Variants in IL1RAPL1 observed in about 807,000 individuals in gnomAD.
IL1RAPL1 encodes the protein interleukin 1 receptor accessory protein like 1.
Under a neutral mutation model 48.4 loss-of-function variants are expected in IL1RAPL1, and 3 were observed. The ratio of observed to expected loss-of-function variants is 0.06; its 90% CI spans 0.03 to 0.16. IL1RAPL1 has a LOEUF of 0.16. Among genes scored for constraint, IL1RAPL1 ranks in the 10% least tolerant of loss-of-function variants. The pLI is 1.00. For synonymous variants in IL1RAPL1, 185 were observed against 187.7 expected (o/e 0.99, Z 0.12); for missense variants, 349 against 530.6 (o/e 0.66, Z 3.36).
At chrX:29,204,653 G>A (rs1221888594) in intron 2 of IL1RAPL1, among the ~76,000 whole-genome samples, 2 of 112,141 alleles carry the variant, frequency 1.8e-5, no homozygotes, top group African/African-American at 6.5e-5. Flanking sequence ...AATAGTTGTA[G>A]TAATTATATT....
At chrX:29,431,331 T>C (rs963719673) in intron 5 of IL1RAPL1, among the ~76,000 whole-genome samples, 7 of 112,001 alleles carry the variant, frequency 6.2e-5, no homozygotes, top group Non-Finnish European at 1.1e-4. Flanking sequence ...AAAAAGCACA[T>C]AGAATATTGC....
chrX:28,819,450 G>A (rs769809223), intron 2 of IL1RAPL1, among the ~76,000 whole-genome samples: 26 of 110,640 alleles, frequency 2.3e-4, no homozygotes, highest in Non-Finnish European at 4.8e-4. Flanking sequence ...AGAATATGTC[G>A]TAATATTAGC....
chrX:29,376,199 G>A (rs1347185207), intron 3 of IL1RAPL1, among the ~76,000 whole-genome samples: 1 of 111,360 alleles, frequency 9.0e-6, no homozygotes, highest in African/African-American at 3.3e-5. Context: ...TGATGAAGGT[G>A]TTTATCACTA....
At chrX:29,220,352 A>T (rs1284548325) in intron 2 of IL1RAPL1, among the ~76,000 whole-genome samples, 2 of 112,800 alleles carry the variant, frequency 1.8e-5, no homozygotes. Flanking sequence ...AGCTTGAAAA[A>T]TTACATGAAA....
rs978713443 is a variant in IL1RAPL1, at chrX:29,480,209, T to A, written c.703+80901T>A. Among the ~76,000 whole-genome samples the A allele has an allele frequency of 2.8e-5, 3 of 106,803 alleles. No homozygotes were observed. The South Asian group carries it at 1.3e-3, about 45-fold the overall frequency. The allele number at this position is 106,803 out of a possible 115,157, so 92.7% of individuals were successfully genotyped here. A position where few individuals can be genotyped will look rare whatever the true frequency, so the allele number is the denominator to read the frequency against. On this transcript the variant is annotated intron_variant, in intron 5 of 10. Coordinates refer to ENST00000378993, the MANE Select transcript of IL1RAPL1 (RefSeq NM_014271.4). ...GACCATAAAACTCCATTTAGTACTGTCAATATCAATATTTACTTTTGGGGG... is the reference window on the plus strand; with the variant it reads ...GACCATAAAACTCCATTTAGTACTGACAATATCAATATTTACTTTTGGGGG...
intron 6 of IL1RAPL1, among the ~76,000 whole-genome samples, chrX:29,894,639 C>A (rs1180829029): frequency 9.0e-6 from 1 of 111,602 alleles, no homozygotes; most frequent in South Asian, 3.7e-4. Context: ...ATCCCCAGCA[C>A]CTTTTTACGA....
chrX:29,090,799 T>C (rs1928072134), intron 2 of IL1RAPL1, among the ~76,000 whole-genome samples: 1 of 112,404 alleles, frequency 8.9e-6, no homozygotes, highest in African/African-American at 3.2e-5. Flanking sequence ...GATTTGATTC[T>C]GTGACTTTTA....
At chrX:29,366,333 C>G (rs1283658081) in intron 3 of IL1RAPL1, among the ~76,000 whole-genome samples, 3 of 110,148 alleles carry the variant, frequency 2.7e-5, no homozygotes, top group Admixed American at 9.9e-5. Flanking sequence ...TTTTTAAAAA[C>G]TACTTGGTAA....
chrX:29,846,767 T>C (rs187466320), intron 6 of IL1RAPL1, among the ~76,000 whole-genome samples: 78 of 90,096 alleles, frequency 8.7e-4, no homozygotes, highest in Non-Finnish European at 1.2e-3. Context: ...TATATATATA[T>C]ACATATATAT....
rs201309320 is a variant in IL1RAPL1, at chrX:28,704,796, TCACACA to T, written c.-24-84493_-24-84488del. On this transcript the variant is annotated intron_variant, in intron 1 of 10. Transcript: ENST00000378993. ...CAGCGGCAAGTTGGCAGGTTTGAGTTCACACACACACACACACACACACACACACAC... is the reference window on the plus strand; with the variant it reads ...CAGCGGCAAGTTGGCAGGTTTGAGTTCACACACACACACACACACACACAC... 1.0e-3 allele frequency among the ~76,000 whole-genome samples: 53 copies of T among 50,556 alleles called. 1 individual carries two copies. Among genetic ancestry groups the T allele is most frequent in the African/African-American group, 2.0e-3 (20 of 9,924 alleles). The allele number at this position is 50,556 out of a possible 115,157, so 43.9% of individuals were successfully genotyped here.
In IL1RAPL1 at chrX:29,888,975, A is replaced by G. The variant is rs749567290; in HGVS notation, c.779-28489A>G. 8.0e-5 allele frequency among the ~76,000 whole-genome samples: 9 copies of G among 112,113 alleles called. No homozygotes were observed. In the South Asian group the frequency reaches 1.1e-3, roughly 14 times the overall value. The stretch of plus-strand genomic sequence containing the variant: ...TTTTTAATCAAATTTTCTCTTATCT[A>G]TAATTAACCCTTCAAAACTAAACTT... On this transcript the variant is annotated intron_variant, in intron 6 of 10. Coordinates refer to ENST00000378993, the MANE Select transcript of IL1RAPL1 (RefSeq NM_014271.4).
rs751751596 is a variant in IL1RAPL1 at position 29,284,721 on chromosome X, G to A, written c.362+1504G>A. On this transcript the variant is annotated intron_variant, in intron 3 of 10. Transcript: ENST00000378993. ...GATCACACCACTGTACTCCAGCCTG[G>A]GCAACAGAGCGAGACTCTGTCTCAA... 3.6e-5 allele frequency among the ~76,000 whole-genome samples: 4 copies of A among 112,038 alleles called. No individual in the cohort carries two copies. In the East Asian group the frequency reaches 1.1e-3, roughly 31 times the overall value.
At chrX:29,452,570 G>T (rs1055160988) in intron 5 of IL1RAPL1, among the ~76,000 whole-genome samples, 3 of 111,585 alleles carry the variant, frequency 2.7e-5, no homozygotes, top group Non-Finnish European at 5.6e-5. Context: ...GTACAGCTTT[G>T]TTAATTTTTG....
chrX:28,629,540 G>T (rs1452572265), intron 1 of IL1RAPL1, among the ~76,000 whole-genome samples: 4 of 111,816 alleles, frequency 3.6e-5, no homozygotes, highest in African/African-American at 1.3e-4. Flanking sequence ...CTTACCTTGG[G>T]GACCAAACGG....
chrX:28,630,876 G>A (rs749980031), intron 1 of IL1RAPL1, among the ~76,000 whole-genome samples: 3 of 111,858 alleles, frequency 2.7e-5, no homozygotes, highest in African/African-American at 6.5e-5. Flanking sequence ...CATTGCTAAC[G>A]GTGAAGAAGC....
intron 2 of IL1RAPL1, among the ~76,000 whole-genome samples, chrX:28,835,376 C>A (rs961362589): frequency 5.4e-5 from 6 of 110,652 alleles, no homozygotes; most frequent in African/African-American, 2.0e-4. Flanking sequence ...ATAGAGATTT[C>A]CAGGCTGTGT....
At chrX:29,139,072 T>G (rs981664375) in intron 2 of IL1RAPL1, among the ~76,000 whole-genome samples, 1 of 111,756 alleles carries the variant, frequency 8.9e-6, no homozygotes, top group Non-Finnish European at 1.9e-5. Flanking sequence ...TGAACCTGGT[T>G]GCCCATCTCT....
intron 2 of IL1RAPL1, among the ~76,000 whole-genome samples, chrX:29,053,380 T>C (rs2362327): frequency 0.23 from 25,140 of 110,847 alleles, 2,631 homozygotes; most frequent in African/African-American, 0.4. Flanking sequence ...TTATATTCCC[T>C]TGGATATATA....
intron 5 of IL1RAPL1, among the ~76,000 whole-genome samples, chrX:29,466,866 G>GA (rs1934868455): frequency 8.9e-6 from 1 of 111,764 alleles, no homozygotes; most frequent in Admixed American, 9.5e-5. Flanking sequence ...TTAGAATCAG[G>GA]AAAGTGTTGC....
Sources: allele counts gnomAD v4.1 joint callset (sites outside exome capture counted in the v4.1 genomes callset), GRCh38; gene constraint gnomAD v4.1.1; transcripts MANE v1.5; gene names NCBI Gene and HGNC (gene_info 2026-07-23, HGNC 2026-07-21).